VAV2: variants seen among roughly 807,000 people sequenced by gnomAD.
VAV2 encodes vav guanine nucleotide exchange factor 2.
In VAV2, 67 loss-of-function variants were observed where a neutral mutation model predicts 132.5. The observed-to-expected ratio is 0.51, with a 90% confidence interval of 0.42 to 0.62. The LOEUF is 0.62. Among genes scored for constraint, VAV2 ranks in the 20% least tolerant of loss-of-function variants. The probability of loss-of-function intolerance (pLI) is 0.00; values close to 1 mark genes in which losing one functional copy is unlikely to be tolerated. For missense variants in VAV2, 938 were observed against 1,153.6 expected, an observed-to-expected ratio of 0.81 and a Z score of 2.71; for synonymous variants, 492 against 443.5, an observed-to-expected ratio of 1.11 and a Z score of -1.37.
chr9:133,795,803 C>G, intron 11 of VAV2, 67 bp from the exon 12 acceptor site: 1 of 1,541,402 alleles, frequency 6.5e-7, no homozygotes, highest in South Asian at 1.1e-5. Context: ...TGGCCCCTAC[C>G]TGGGGCAGGA....
chr9:133,856,688 A>G (rs531997486), intron 3 of VAV2, among the ~76,000 whole-genome samples: 82 of 152,310 alleles, frequency 5.4e-4, no homozygotes, highest in African/African-American at 1.9e-3. Flanking sequence ...GCTGGCGTCA[A>G]GGTATCGAGG....
intron 2 of VAV2, among the ~76,000 whole-genome samples, chr9:133,910,830 AAAAAAAAG>A (rs1299388314): frequency 2.0e-5 from 3 of 148,898 alleles, no homozygotes; most frequent in African/African-American, 5.0e-5. Context: ...TCTCAAAAAA[AAAAAAAAG>A]AAAAAGAAAA....
At chr9:133,828,543 T>TG (rs1361813498) in intron 4 of VAV2, among the ~76,000 whole-genome samples, 2 of 152,182 alleles carry the variant, frequency 1.3e-5, no homozygotes, top group Non-Finnish European at 2.9e-5. Flanking sequence ...CACCCAGCAG[T>TG]GCTGCCCCCT....
chr9:133,930,761 C>T (rs1840657127), intron 2 of VAV2, among the ~76,000 whole-genome samples: 1 of 152,128 alleles, frequency 6.6e-6, no homozygotes, highest in East Asian at 1.9e-4. Flanking sequence ...TGATTACTCC[C>T]GTGGAGGAGG....
At chr9:133,933,693 TG>T (rs1840774376) in intron 2 of VAV2, among the ~76,000 whole-genome samples, 3 of 144,778 alleles carry the variant, frequency 2.1e-5, no homozygotes, top group Non-Finnish European at 4.5e-5. Context: ...GAATGATGGA[TG>T]GATGGATGGA....
At chr9:133,971,568 C>G (rs1261774959) in intron 1 of VAV2, among the ~76,000 whole-genome samples, 1 of 152,192 alleles carries the variant, frequency 6.6e-6, no homozygotes, top group Non-Finnish European at 1.5e-5. Context: ...TGAGTCGTGA[C>G]TGTGACACTG....
chr9:133,794,076 T>A lies in VAV2; in HGVS notation c.1101+1592A>T, dbSNP rs1487827127. Among the ~76,000 whole-genome samples the A allele has an allele frequency of 6.6e-6, 1 of 151,910 alleles. No individual in the cohort carries two copies. Among genetic ancestry groups the A allele is most frequent in the Non-Finnish European group, 1.5e-5 (1 of 67,986 alleles). ...ATCCCGTCGAGGGGCTCAGAGCCAC[T>A]CGCCAGCCAGACACCGAGTGCTGAG... On this transcript the variant is annotated intron_variant, in intron 12 of 29. Coordinates refer to ENST00000371850, the MANE Select transcript of VAV2 (RefSeq NM_001134398.2). The surrounding 1 kb of genome is among the most constrained non-coding windows in gnomAD (Gnocchi z 4.6).
intron 2 of VAV2, among the ~76,000 whole-genome samples, chr9:133,895,363 C>T (rs1588330568): frequency 6.6e-6 from 1 of 152,114 alleles, no homozygotes; most frequent in Non-Finnish European, 1.5e-5. Context: ...CTCTTTCTGC[C>T]GTGCGCATCT....
chr9:133,901,806 C>G (rs892884753), intron 2 of VAV2, among the ~76,000 whole-genome samples: 3 of 152,246 alleles, frequency 2.0e-5, no homozygotes, highest in African/African-American at 4.8e-5. Context: ...ACCCCAGCGC[C>G]CACTGCCACA....
Position 133,935,156 on chromosome 9 carries a change from A to G in VAV2, c.321+3947T>C, listed in dbSNP as rs1355297064. Among the ~76,000 whole-genome samples the G allele has an allele frequency of 2.0e-5, 3 of 152,128 alleles. No homozygotes were observed. Among genetic ancestry groups the G allele is most frequent in the African/African-American group, 7.2e-5 (3 of 41,416 alleles). On this transcript the variant is annotated intron_variant, in intron 2 of 29. Coordinates refer to ENST00000371850, the MANE Select transcript of VAV2 (RefSeq NM_001134398.2). This position sits in a 1 kb window ranked among gnomAD's most constrained non-coding sequence, Gnocchi z 5.2. ...GAACAGGGGGAGGGCACGCAGCCAT[A>G]TCTTCATGGTCTGAGGTTGCTGGAG...
chr9:133,922,835 C>T lies in VAV2; in HGVS notation c.321+16268G>A, dbSNP rs564441741. Among the ~76,000 whole-genome samples, 21 of 152,266 alleles carry T rather than the reference C, an allele frequency of 1.4e-4. No homozygotes were observed. The East Asian group carries it at 2.9e-3, about 21-fold the overall frequency. On this transcript the variant is annotated intron_variant, in intron 2 of 29. Coordinates refer to ENST00000371850, the MANE Select transcript of VAV2 (RefSeq NM_001134398.2). Reference sequence around the variant, plus strand: ...AACCCCACAGCACCGGCAACAAAAACGAAAACAGACAAATGAGACTACATC... The same window carrying T: ...AACCCCACAGCACCGGCAACAAAAATGAAAACAGACAAATGAGACTACATC...
At position 133,788,003 on chromosome 9, in the gene VAV2, G is replaced by C. The variant is rs1031423812; in HGVS notation, c.1407+351C>G. On this transcript the variant is annotated intron_variant, in intron 15 of 29. Transcript: ENST00000371850. The surrounding 1 kb of genome is among the most constrained non-coding windows in gnomAD (Gnocchi z 5.3). ...AAGGGACAACATGGGCTAGAGTCAG[G>C]CTGGCCAGATGGAAAGCCAAGGTTG... 6.6e-6 allele frequency among the ~76,000 whole-genome samples: 1 copy of C among 152,240 alleles called. No individual in the cohort carries two copies. Among genetic ancestry groups the C allele is most frequent in the Non-Finnish European group, 1.5e-5 (1 of 68,036 alleles).
At chr9:133,899,832 T>C (rs1239784543) in intron 2 of VAV2, among the ~76,000 whole-genome samples, 2 of 150,614 alleles carry the variant, frequency 1.3e-5, no homozygotes, top group African/African-American at 2.4e-5. Context: ...CCATCCTGAC[T>C]AACACAGTGA....
At chr9:133,984,351 T>C (rs889759932) in intron 1 of VAV2, among the ~76,000 whole-genome samples, 1 of 151,502 alleles carries the variant, frequency 6.6e-6, no homozygotes, top group Admixed American at 6.6e-5. Context: ...CAGTGGCTCA[T>C]GCCTGTAATC....
chr9:133,855,390 G>A (rs937085725), intron 3 of VAV2, among the ~76,000 whole-genome samples: 2 of 152,222 alleles, frequency 1.3e-5, no homozygotes. Context: ...GTTTGGGAGT[G>A]GAAGTCAAGG....
At chr9:133,985,645 C>T (rs1842837263) in intron 1 of VAV2, among the ~76,000 whole-genome samples, 1 of 152,176 alleles carries the variant, frequency 6.6e-6, no homozygotes, top group South Asian at 2.1e-4. Flanking sequence ...GGACAAACAG[C>T]TGGTTCTTAA....
At position 133,822,629 on chromosome 9, in the gene VAV2, G is replaced by A. The variant is rs1284717962; in HGVS notation, c.450-10413C>T. On this transcript the variant is annotated intron_variant, in intron 4 of 29. Coordinates refer to ENST00000371850, the MANE Select transcript of VAV2 (RefSeq NM_001134398.2). ...ACCAGGGCTCAGAGAGGGCATGAGA[G>A]TCACCCAGCTCGCCAAGCCACATAG... is the stretch of plus-strand genomic sequence containing the variant. 1.1e-4 allele frequency among the ~76,000 whole-genome samples: 16 copies of A among 152,144 alleles called. 1 individual carries two copies. Among genetic ancestry groups the A allele is most frequent in the Admixed American group, 1.0e-3 (16 of 15,278 alleles).
At chr9:133,858,925 G>C (rs557241566) in intron 3 of VAV2, among the ~76,000 whole-genome samples, 1 of 152,342 alleles carries the variant, frequency 6.6e-6, no homozygotes, top group East Asian at 1.9e-4. Flanking sequence ...GCAGTTCCCC[G>C]ACCTGAGAGG....
At chr9:133,780,613 C>G (rs954828527) in intron 20 of VAV2, 81 bp downstream of exon 20, 1 of 1,283,390 alleles carries the variant, frequency 7.8e-7, no homozygotes, top group Non-Finnish European at 9.9e-7. Context: ...GAAAGGCAGA[C>G]AATTGGGTCT....
Sources: allele counts gnomAD v4.1 joint callset (sites outside exome capture counted in the v4.1 genomes callset), GRCh38; gene constraint gnomAD v4.1.1; non-coding constraint Gnocchi (gnomAD v3.1); transcripts MANE v1.5; gene names NCBI Gene and HGNC (gene_info 2026-07-23, HGNC 2026-07-21).